Variants in OXCT1 observed in about 807,000 individuals in gnomAD.
OXCT1 encodes 3-oxoacid CoA-transferase 1, also known as succinyl-CoA:3-ketoacid coenzyme A transferase 1, mitochondrial.
Under a neutral mutation model 69.6 loss-of-function variants are expected in OXCT1, and 27 were observed. The ratio of observed to expected loss-of-function variants is 0.39; its 90% CI spans 0.29 to 0.54. The LOEUF (loss-of-function observed/expected upper bound fraction) is 0.54. Ranked by LOEUF, OXCT1 falls within the 20% of genes least tolerant of loss-of-function variation. OXCT1 has a pLI of 0.72. For synonymous variants in OXCT1, 202 were observed against 217.8 expected, an observed-to-expected ratio of 0.93 and a Z score of 0.64; for missense variants, 437 against 650.2, an observed-to-expected ratio of 0.67 and a Z score of 3.57.
intron 2 of OXCT1, 91 bp from the exon 3 acceptor site, chr5:41,861,495 A>C: frequency 1.2e-6 from 1 of 836,916 alleles, no homozygotes; most frequent in Non-Finnish European, 2.1e-6. Context: ...AAGGGAAATA[A>C]AACAAAGCAC....
At chr5:41,801,901 T>C (rs1746442884) in intron 10 of OXCT1, among the ~76,000 whole-genome samples, 1 of 152,070 alleles carries the variant, frequency 6.6e-6, no homozygotes, top group South Asian at 2.1e-4. Flanking sequence ...ATAAAAGGCA[T>C]ACTATATAAG....
intron 13 of OXCT1, among the ~76,000 whole-genome samples, chr5:41,776,313 A>AGTACCC: frequency 6.6e-6 from 1 of 152,344 alleles, no homozygotes; most frequent in Middle Eastern, 3.4e-3. Context: ...AAAGCAATGC[A>AGTACCC]GTACCCTGAA....
intron 13 of OXCT1, among the ~76,000 whole-genome samples, chr5:41,783,728 T>C (rs1745519489): frequency 6.6e-6 from 1 of 152,212 alleles, no homozygotes; most frequent in Non-Finnish European, 1.5e-5. Flanking sequence ...GAGTGTCTGG[T>C]AGGCAGTGTA....
At chr5:41,798,997 G>T (rs1417212058) in intron 11 of OXCT1, among the ~76,000 whole-genome samples, 1 of 152,180 alleles carries the variant, frequency 6.6e-6, no homozygotes, top group Non-Finnish European at 1.5e-5. Flanking sequence ...GGTTTCATTT[G>T]AGGTTCCAAT....
intron 15 of OXCT1, among the ~76,000 whole-genome samples, chr5:41,745,571 T>G (rs1158437338): frequency 9.3e-5 from 14 of 150,962 alleles, no homozygotes; most frequent in Admixed American, 5.3e-4. Context: ...CTGAAGGAAA[T>G]AGACACAAAA....
rs185432728 is a variant in OXCT1 at position 41,736,010 on chromosome 5, C to A, written c.1521+3380G>T. Among the ~76,000 whole-genome samples the A allele has an allele frequency of 9.2e-5, 14 of 152,318 alleles. No homozygotes were observed. The East Asian group carries it at 2.5e-3, about 27-fold the overall frequency. Reference sequence around the variant, plus strand: ...ATCTGTGGGGTTCACAACTGAAAAGCCTGCTGTGGCTGTACACCTAGGCCA... The same window carrying A: ...ATCTGTGGGGTTCACAACTGAAAAGACTGCTGTGGCTGTACACCTAGGCCA... On this transcript the variant is annotated intron_variant, in intron 16 of 16. Transcript: ENST00000196371.
chr5:41,839,755 T>C (rs992064306), intron 7 of OXCT1, among the ~76,000 whole-genome samples: 4 of 152,138 alleles, frequency 2.6e-5, no homozygotes, highest in African/African-American at 7.2e-5. Context: ...CAGATCCCAA[T>C]AGGGGTCCTA....
intron 7 of OXCT1, among the ~76,000 whole-genome samples, chr5:41,826,748 C>T (rs529776269): frequency 6.6e-6 from 1 of 152,174 alleles, no homozygotes; most frequent in East Asian, 1.9e-4. Context: ...TGAATTATTC[C>T]CAATTGTATA....
At chr5:41,814,618 C>T (rs1344651883) in intron 7 of OXCT1, among the ~76,000 whole-genome samples, 3 of 150,830 alleles carry the variant, frequency 2.0e-5, no homozygotes, top group African/African-American at 7.3e-5. Context: ...AATAAACTAT[C>T]GCAAGAACAA....
rs78459181 is a variant in OXCT1 at position 41,783,946 on chromosome 5, T to G, written c.1248+10057A>C. ...AAAGGCAAAATCTCTGTAAGACTGT[T>G]GAAGATGGAGAAACTCTTTCACATT... On this transcript the variant is annotated intron_variant, in intron 13 of 16. Coordinates refer to ENST00000196371, the MANE Select transcript of OXCT1 (RefSeq NM_000436.4). 3.8e-3 allele frequency among the ~76,000 whole-genome samples: 585 copies of G among 152,324 alleles called. 2 individuals carry two copies. The highest frequency in any genetic ancestry group is 0.014 in the African/African-American group (564 of 41,580).
intron 8 of OXCT1, among the ~76,000 whole-genome samples, chr5:41,806,513 T>C (rs1424335272): frequency 6.6e-6 from 1 of 152,104 alleles, no homozygotes; most frequent in Non-Finnish European, 1.5e-5. Context: ...GGATCATGGA[T>C]GCAGATCCCT....
intron 13 of OXCT1, among the ~76,000 whole-genome samples, chr5:41,785,288 C>A (rs1223887917): frequency 6.6e-6 from 1 of 152,174 alleles, no homozygotes; most frequent in Non-Finnish European, 1.5e-5. Context: ...CAGGGTTTGG[C>A]TGGGTTCTTC....
intron 7 of OXCT1, among the ~76,000 whole-genome samples, chr5:41,837,441 G>T (rs914743502): frequency 6.6e-6 from 1 of 151,876 alleles, no homozygotes; most frequent in African/African-American, 2.4e-5. Flanking sequence ...AAGCTTAAAG[G>T]TCAAAGAGGC....
intron 15 of OXCT1, among the ~76,000 whole-genome samples, chr5:41,741,230 T>C (rs1743150002): frequency 6.6e-6 from 1 of 152,104 alleles, no homozygotes; most frequent in Non-Finnish European, 1.5e-5. Flanking sequence ...GATGCAAGGA[T>C]TACAGGAGTG....
At chr5:41,771,372 G>A (rs1744863529) in intron 13 of OXCT1, among the ~76,000 whole-genome samples, 1 of 152,142 alleles carries the variant, frequency 6.6e-6, no homozygotes, top group African/African-American at 2.4e-5. Flanking sequence ...TGAAACCAAT[G>A]TATTTTCTCT....
intron 14 of OXCT1, among the ~76,000 whole-genome samples, chr5:41,751,026 T>C (rs2112055488): frequency 6.6e-6 from 1 of 152,298 alleles, no homozygotes; most frequent in South Asian, 2.1e-4. Context: ...TCTTACTGTA[T>C]ATGAAAATTT....
At chr5:41,761,421 C>T (rs1428779195) in intron 14 of OXCT1, among the ~76,000 whole-genome samples, 1 of 151,888 alleles carries the variant, frequency 6.6e-6, no homozygotes, top group African/African-American at 2.4e-5. Flanking sequence ...ATTCTTGGCA[C>T]ACAGTAAACA....
rs751695010 is a variant in OXCT1 at position 41,767,720 on chromosome 5, G to GTATATATATA, written c.1249-5521_1249-5520insTATATATATA. Among the ~76,000 whole-genome samples, 450 of 78,200 alleles carry GTATATATATA rather than the reference G, an allele frequency of 5.8e-3. 5 individuals are homozygous for GTATATATATA. Among genetic ancestry groups the GTATATATATA allele is most frequent in the African/African-American group, 0.025 (421 of 16,578 alleles). The allele number at this position is 78,200 out of a possible 152,430, so 51.3% of individuals were successfully genotyped here. A position where few individuals can be genotyped will look rare whatever the true frequency, so the allele number is the denominator to read the frequency against. On this transcript the variant is annotated intron_variant, in intron 13 of 16. Transcript: ENST00000196371. ...TATCTAGTATCTAATATATATGTGT[G>GTATATATATA]TGTATATATATATATATATATATAT...
rs71608623 is a variant in OXCT1, at chr5:41,759,090, GA to G, written c.1338+3020del. On this transcript the variant is annotated intron_variant, in intron 14 of 16. Transcript: ENST00000196371. ...AAAGAGAGCTTTGTCCAGGGAAAAT[GA>G]AAAAAAAAAAAAAAAACCTGAAGCT... 4.7e-3 allele frequency among the ~76,000 whole-genome samples: 551 copies of G among 117,474 alleles called. 2 individuals are homozygous for G. Among genetic ancestry groups the G allele is most frequent in the African/African-American group, 8.2e-3 (263 of 32,148 alleles). The allele number at this position is 117,474 out of a possible 152,430, so 77.1% of individuals were successfully genotyped here.
Sources: allele counts gnomAD v4.1 joint callset (sites outside exome capture counted in the v4.1 genomes callset), GRCh38; gene constraint gnomAD v4.1.1; transcripts MANE v1.5; gene names NCBI Gene and HGNC (gene_info 2026-07-23, HGNC 2026-07-21).